Variants in FIGNL2 observed in about 807,000 individuals in gnomAD.
FIGNL2 encodes fidgetin like 2.
For synonymous variants in FIGNL2, 565 were observed against 484.0 expected, an observed-to-expected ratio of 1.17 and a Z score of -2.20; for missense variants, 1,060 against 950.2, an observed-to-expected ratio of 1.12 and a Z score of -1.52.
Position 51,822,500 on chromosome 12 carries a change from G to A in FIGNL2, c.-11-76C>T, listed in dbSNP as rs189486606. On this transcript the variant is annotated intron_variant, in intron 1 of 1. Transcript: ENST00000618634. ...GTGGGCCACTGCTAGCCATAGGCCA[G>A]TCCGCCTAGACTGCGGCTTGGACAG... 4.1e-4 allele frequency: 639 copies of A among 1,546,760 alleles called. 7 individuals carry two copies. In the Middle Eastern group the frequency reaches 0.01, roughly 25 times the overall value.
intron 1 of FIGNL2, chr12:51,828,618 C>G (rs1165299595): frequency 1.3e-5 from 2 of 152,260 alleles, no homozygotes; most frequent in Non-Finnish European, 2.9e-5. Flanking sequence ...GCACCTATCT[C>G]CCCCGTGGTC....
chr12:51,830,657 A>G (rs985541562), intron 1 of FIGNL2, among the ~76,000 whole-genome samples: 1 of 151,196 alleles, frequency 6.6e-6, no homozygotes, highest in Non-Finnish European at 1.5e-5. Context: ...ACACCCAGCT[A>G]ATTTTCTGTA....
chr12:51,847,606 C>G (rs556373472), intron 1 of FIGNL2: 1 of 985,162 alleles, frequency 1.0e-6, no homozygotes, highest in Non-Finnish European at 1.2e-6. Flanking sequence ...CGCCGCTGGG[C>G]GCAGGGTCCA....
intron 1 of FIGNL2, among the ~76,000 whole-genome samples, chr12:51,834,457 C>T (rs1285674684): frequency 1.3e-5 from 2 of 152,194 alleles, no homozygotes; most frequent in African/African-American, 2.4e-5. Context: ...TGCTGGAATT[C>T]CCATCAAAGG....
In FIGNL2 at chr12:51,821,996, G is replaced by T. The variant is rs1939221227; in HGVS notation, c.418C>A (p.Pro140Thr). The change falls in exon 2 of 2, where the codon CCT (proline) becomes ACT (threonine). Residue 140 changes from proline to threonine, a missense_variant. Coordinates refer to ENST00000618634, the MANE Select transcript of FIGNL2 (RefSeq NM_001384995.1). ...GGSPVLAGNL[P>T]EPLYAGNACG... is the part of the protein sequence containing the mutation. ...GCATTGCCGGCGTAGAGGGGTTCAG[G>T]GAGGTTCCCGGCTAAAACTGGGGAG... is the stretch of plus-strand genomic sequence containing the variant. 15 of 1,586,720 alleles carry T rather than the reference G, an allele frequency of 9.5e-6. No homozygotes were observed. Among genetic ancestry groups the T allele is most frequent in the Non-Finnish European group, 1.3e-5 (15 of 1,167,712 alleles).
intron 1 of FIGNL2, among the ~76,000 whole-genome samples, chr12:51,826,315 C>G (rs1939341758): frequency 6.6e-6 from 1 of 152,068 alleles, no homozygotes; most frequent in African/African-American, 2.4e-5. Context: ...GACATGACAT[C>G]CACTAGAGAT....
At position 51,822,673 on chromosome 12, in the gene FIGNL2, C is replaced by G. The variant is rs549055660; in HGVS notation, c.-11-249G>C. Among the ~76,000 whole-genome samples the G allele has an allele frequency of 3.3e-5, 5 of 152,340 alleles. No homozygotes were observed. In the South Asian group the frequency reaches 8.3e-4, roughly 25 times the overall value. ...AGGGGTCTGGAAATGATGTGGTTGG[C>G]CCTAACTTCACCTTGTAGGCAATGG... On this transcript the variant is annotated intron_variant, in intron 1 of 1. Transcript: ENST00000618634.
intron 1 of FIGNL2, chr12:51,848,332 C>T (rs1939797070): frequency 1.0e-6 from 1 of 979,890 alleles, no homozygotes; most frequent in African/African-American, 1.8e-5. Context: ...CCCGCCCCCT[C>T]CCCCCGAGAA....
chr12:51,848,242 C>T (rs771302390), intron 1 of FIGNL2: 1 of 984,490 alleles, frequency 1.0e-6, no homozygotes, highest in South Asian at 4.7e-5. Context: ...GCCGGCTGCT[C>T]GCTTTCGCTG....
chr12:51,847,810 G>C, intron 1 of FIGNL2: 1 of 985,312 alleles, frequency 1.0e-6, no homozygotes, highest in Non-Finnish European at 1.2e-6. Flanking sequence ...ACAGGAGAGG[G>C]CTCTTGCGGT....
At chr12:51,826,142 A>G (rs936745649) in intron 1 of FIGNL2, 6 of 144,468 alleles carry the variant, frequency 4.2e-5, no homozygotes, top group African/African-American at 1.6e-4. Context: ...TCTCGGCCCC[A>G]TCAATTATCC....
intron 1 of FIGNL2, among the ~76,000 whole-genome samples, chr12:51,844,021 A>G (rs1384199510): frequency 1.3e-5 from 2 of 152,054 alleles, no homozygotes; most frequent in African/African-American, 4.8e-5. Flanking sequence ...CGTTCTCTGG[A>G]GTCCCTGGGC....
At chr12:51,847,696 G>A in intron 1 of FIGNL2, 2 of 985,414 alleles carry the variant, frequency 2.0e-6, no homozygotes, top group Non-Finnish European at 2.4e-6. Context: ...GCGGGGCTGG[G>A]GAAGGGCACC....
chr12:51,841,192 C>A (rs955616775), intron 1 of FIGNL2, among the ~76,000 whole-genome samples: 1 of 152,256 alleles, frequency 6.6e-6, no homozygotes, highest in South Asian at 2.1e-4. Flanking sequence ...AAGGGGGTGG[C>A]CCCCTACACC....
At position 51,823,277 on chromosome 12, in the gene FIGNL2, A is replaced by G. The variant is rs1305678702; in HGVS notation, c.-11-853T>C. On this transcript the variant is annotated intron_variant, in intron 1 of 1. Coordinates refer to ENST00000618634, the MANE Select transcript of FIGNL2 (RefSeq NM_001384995.1). The stretch of plus-strand genomic sequence containing the variant: ...CTGGAGAAGACCGCGGAAAGTTAAT[A>G]TACAACAATGCACATCATAGGATGT... Among the ~76,000 whole-genome samples, 5 of 152,244 alleles carry G rather than the reference A, an allele frequency of 3.3e-5. No homozygotes were observed. In the East Asian group the frequency reaches 7.7e-4, roughly 23 times the overall value.
At position 51,844,653 on chromosome 12, in the gene FIGNL2, G is replaced by A. The variant is rs1055090050; in HGVS notation, c.-12+3887C>T. The A allele has an allele frequency of 2.4e-5, 23 of 977,078 alleles. No individual in the cohort carries two copies. The Admixed American group carries it at 3.7e-4, about 16-fold the overall frequency. The allele number at this position is 977,078 out of a possible 1,614,324, so 60.5% of individuals were successfully genotyped here. ...GAGTGTTTAACAAGTGTGTGGAAGC[G>A]TTAACTATGATTCATCAAGATGCTT... On this transcript the variant is annotated intron_variant, in intron 1 of 1. Coordinates refer to ENST00000618634, the MANE Select transcript of FIGNL2 (RefSeq NM_001384995.1).
At chr12:51,835,793 G>A (rs1032445154) in intron 1 of FIGNL2, among the ~76,000 whole-genome samples, 3 of 147,278 alleles carry the variant, frequency 2.0e-5, no homozygotes, top group African/African-American at 7.4e-5. Flanking sequence ...GACTTCCTGC[G>A]GATCTAGACT....
chr12:51,825,526 C>T (rs1421108298), intron 1 of FIGNL2, among the ~76,000 whole-genome samples: 34 of 152,186 alleles, frequency 2.2e-4, no homozygotes, highest in Admixed American at 2.2e-3. Flanking sequence ...AGTCCTCCAC[C>T]CCATCCTGCC....
chr12:51,826,640 C>CAAA (rs4025910), intron 1 of FIGNL2, among the ~76,000 whole-genome samples: 1 of 104,388 alleles, frequency 9.6e-6, no homozygotes, highest in Non-Finnish European at 1.9e-5. Context: ...ACTCCCATCT[C>CAAA]AAAAAAAAAA....
Sources: allele counts gnomAD v4.1 joint callset (sites outside exome capture counted in the v4.1 genomes callset), GRCh38; gene constraint gnomAD v4.1.1; transcripts MANE v1.5; gene names NCBI Gene and HGNC (gene_info 2026-07-23, HGNC 2026-07-21).